Variants in ERBB4 observed in about 807,000 individuals in gnomAD.
ERBB4 encodes receptor tyrosine-protein kinase erbB-4.
Under a neutral mutation model 158.0 loss-of-function variants are expected in ERBB4, and 42 were observed. The ratio of observed to expected loss-of-function variants is 0.27; its 90% CI spans 0.21 to 0.34. The LOEUF (loss-of-function observed/expected upper bound fraction) is 0.34, where lower values mean the gene tolerates loss of function less well. Among genes scored for constraint, ERBB4 ranks in the 10% least tolerant of loss-of-function variants. The probability of loss-of-function intolerance (pLI) is 1.00; values close to 1 mark genes in which losing one functional copy is unlikely to be tolerated. For missense variants in ERBB4, 1,333 were observed against 1,624.1 expected, an observed-to-expected ratio of 0.82 and a Z score of 3.08; for synonymous variants, 583 against 558.7, an observed-to-expected ratio of 1.04 and a Z score of -0.61.
intron 20 of ERBB4, among the ~76,000 whole-genome samples, chr2:211,534,358 T>C (rs1322885632): frequency 6.6e-6 from 1 of 152,084 alleles, no homozygotes; most frequent in Non-Finnish European, 1.5e-5. Context: ...CTATTTTATC[T>C]CTCTTATTTT....
intron 1 of ERBB4, among the ~76,000 whole-genome samples, chr2:212,177,578 C>A (rs1474739571): frequency 6.6e-6 from 1 of 151,870 alleles, no homozygotes; most frequent in Non-Finnish European, 1.5e-5. Flanking sequence ...TCCCTTAATA[C>A]AAGCTCATGC....
At chr2:212,392,268 A>G (rs1248768410) in intron 1 of ERBB4, among the ~76,000 whole-genome samples, 3 of 151,998 alleles carry the variant, frequency 2.0e-5, no homozygotes, top group African/African-American at 7.2e-5. Context: ...TGCCTCAATT[A>G]CATGGTCAGT....
intron 20 of ERBB4, among the ~76,000 whole-genome samples, chr2:211,481,734 A>G (rs773885776): frequency 2.0e-5 from 3 of 152,120 alleles, no homozygotes; most frequent in Non-Finnish European, 4.4e-5. Flanking sequence ...ACTTTGTTGG[A>G]TAAACACATC....
intron 1 of ERBB4, among the ~76,000 whole-genome samples, chr2:212,426,608 TATATCTA>T (rs2091918509): frequency 6.6e-6 from 1 of 152,142 alleles, no homozygotes; most frequent in African/African-American, 2.4e-5. Flanking sequence ...CCTGCGTGTT[TATATCTA>T]ACATCACTGA....
intron 2 of ERBB4, among the ~76,000 whole-genome samples, chr2:212,033,051 G>A (rs1315872084): frequency 1.3e-5 from 2 of 151,946 alleles, no homozygotes; most frequent in African/African-American, 4.8e-5. Flanking sequence ...GTAACATTGA[G>A]TCTATTCATT....
At chr2:212,167,055 C>T (rs1249140273) in intron 1 of ERBB4, among the ~76,000 whole-genome samples, 1 of 152,072 alleles carries the variant, frequency 6.6e-6, no homozygotes, top group African/African-American at 2.4e-5. Flanking sequence ...GACAAAAACA[C>T]CAAAAGCAAT....
intron 25 of ERBB4, among the ~76,000 whole-genome samples, chr2:211,392,476 A>G (rs1559122282): frequency 6.6e-6 from 1 of 151,884 alleles, no homozygotes; most frequent in Non-Finnish European, 1.5e-5. Flanking sequence ...CTATTTATGT[A>G]TACATATATT....
chr2:212,496,290 A>G (rs1690565835), intron 1 of ERBB4, among the ~76,000 whole-genome samples: 1 of 151,860 alleles, frequency 6.6e-6, no homozygotes, highest in South Asian at 2.1e-4. Context: ...GTAAAAAAAA[A>G]AAACAAAAAA....
At chr2:212,493,728 T>A (rs1034515108) in intron 1 of ERBB4, among the ~76,000 whole-genome samples, 4 of 151,746 alleles carry the variant, frequency 2.6e-5, no homozygotes, top group Non-Finnish European at 5.9e-5. Flanking sequence ...CTCATTAAAT[T>A]AAAACTTTTA....
In ERBB4 at chr2:211,725,098, C is replaced by G. The variant is rs2106131316; in HGVS notation, c.719G>C (p.Gly240Ala). Residue 240 changes from glycine to alanine, a missense_variant, in exon 6 of 28, where the codon GGA (glycine) becomes GCA (alanine). Gly to Ala is a moderately conservative substitution (Grantham distance 60, BLOSUM62 0). Transcript: ENST00000342788. ...TACAAAGCAGTCTGTGTCCTTAGGT[C>G]CTGAGCAGCCTCCAGCACATTCTCG... ...CHRECAGGCS[G>A]PKDTDCFACM... The G allele has an allele frequency of 6.2e-7, 1 of 1,613,036 alleles. No individual in the cohort carries two copies. Among genetic ancestry groups the G allele is most frequent in the Non-Finnish European group, 8.5e-7 (1 of 1,179,126 alleles).
intron 3 of ERBB4, among the ~76,000 whole-genome samples, chr2:211,941,527 G>A (rs534805957): frequency 6.6e-6 from 1 of 152,162 alleles, no homozygotes; most frequent in South Asian, 2.1e-4. Flanking sequence ...TGATGATGGA[G>A]ATTTGAAATG....
chr2:212,303,007 A>AG (rs1412029444), intron 1 of ERBB4, among the ~76,000 whole-genome samples: 1 of 151,472 alleles, frequency 6.6e-6, no homozygotes, highest in Non-Finnish European at 1.5e-5. Flanking sequence ...AGAGAGGATG[A>AG]GGGAAAAATG....
chr2:211,837,315 T>A (rs1351560425), intron 3 of ERBB4, among the ~76,000 whole-genome samples: 2 of 152,044 alleles, frequency 1.3e-5, no homozygotes, highest in East Asian at 3.9e-4. Context: ...AGGGAAAGGT[T>A]AAAAGTACTT....
At chr2:212,124,078 C>T (rs1273616973) in intron 2 of ERBB4, among the ~76,000 whole-genome samples, 3 of 152,134 alleles carry the variant, frequency 2.0e-5, no homozygotes, top group African/African-American at 7.2e-5. Context: ...TAAAGCAAAA[C>T]TTAAGAAACT....
At chr2:211,515,374 A>C (rs137900883) in intron 20 of ERBB4, among the ~76,000 whole-genome samples, 3 of 152,206 alleles carry the variant, frequency 2.0e-5, no homozygotes, top group East Asian at 3.9e-4. Flanking sequence ...TTTAAAGGTG[A>C]TAAGGAAGAA....
chr2:211,980,945 A>G (rs567382691), intron 2 of ERBB4, among the ~76,000 whole-genome samples: 2 of 152,182 alleles, frequency 1.3e-5, no homozygotes, highest in African/African-American at 4.8e-5. Flanking sequence ...GAGTACAGTG[A>G]AAGAACAGCA....
intron 1 of ERBB4, among the ~76,000 whole-genome samples, chr2:212,176,263 TTC>T (rs1336389474): frequency 6.6e-6 from 1 of 151,830 alleles, no homozygotes; most frequent in Admixed American, 6.6e-5. Context: ...CCCACCCCAA[TTC>T]AGATGTTGAA....
At chr2:211,410,414 G>A (rs532688465) in intron 25 of ERBB4, among the ~76,000 whole-genome samples, 66 of 152,270 alleles carry the variant, frequency 4.3e-4, no homozygotes, top group Middle Eastern at 3.4e-3. Context: ...AATACCAATG[G>A]TTGGTGTTCA....
intron 1 of ERBB4, among the ~76,000 whole-genome samples, chr2:212,428,893 A>C (rs1289383211): frequency 6.6e-6 from 1 of 152,200 alleles, no homozygotes; most frequent in African/African-American, 2.4e-5. Flanking sequence ...GGCAGCACTC[A>C]GGAAATGAAC....
Sources: gnomAD v4.1 joint callset for allele counts (sites outside exome capture counted in the v4.1 genomes callset) on GRCh38, gnomAD v4.1.1 for gene constraint, MANE v1.5 for transcripts, NCBI Gene and HGNC (gene_info 2026-07-23, HGNC 2026-07-21) for gene names.